Variants in ZFHX3 observed in about 807,000 individuals in gnomAD.
ZFHX3 encodes zinc finger homeobox protein 3.
Under a neutral mutation model 279.1 loss-of-function variants are expected in ZFHX3, and 42 were observed. The observed-to-expected ratio is 0.15, with a 90% CI of 0.12 to 0.19. The LOEUF is 0.19. ZFHX3 is among the 10% of genes least tolerant of loss of function. The probability of loss-of-function intolerance (pLI) is 1.00; values close to 1 mark genes in which losing one functional copy is unlikely to be tolerated. For synonymous variants in ZFHX3, 2,293 were observed against 1,957.8 expected (o/e 1.17, Z -4.52); for missense variants, 4,981 against 4,754.0 (o/e 1.05, Z -1.40).
chr16:73,057,089 C>A (rs1965571766), intron 1 of ZFHX3, among the ~76,000 whole-genome samples: 1 of 152,164 alleles, frequency 6.6e-6, no homozygotes, highest in Non-Finnish European at 1.5e-5. Flanking sequence ...AATCAGCATG[C>A]TCCGTCCATA....
chr16:73,786,743 T>C (rs1280296557), intron 1 of ZFHX3, among the ~76,000 whole-genome samples: 2 of 152,224 alleles, frequency 1.3e-5, no homozygotes, highest in African/African-American at 4.8e-5. Context: ...TCCAGGCTTC[T>C]GATGAATTTA....
chr16:73,024,256 G>C (rs932924887), intron 1 of ZFHX3, among the ~76,000 whole-genome samples: 1 of 152,162 alleles, frequency 6.6e-6, no homozygotes, highest in Non-Finnish European at 1.5e-5. Context: ...TGGGGGAAGG[G>C]AGGGGCGAAA....
intron 2 of ZFHX3, among the ~76,000 whole-genome samples, chr16:73,557,666 A>C (rs1445050723): frequency 6.6e-6 from 1 of 152,080 alleles, no homozygotes; most frequent in African/African-American, 2.4e-5. Flanking sequence ...TCTTGTCGTC[A>C]TCTTGTTTTA....
At chr16:73,164,079 T>C (rs765686548) in intron 5 of ZFHX3, among the ~76,000 whole-genome samples, 19 of 152,192 alleles carry the variant, frequency 1.2e-4, no homozygotes, top group Non-Finnish European at 2.5e-4. Flanking sequence ...CTGATTTTTA[T>C]AGGGAGCCCA....
intron 2 of ZFHX3, among the ~76,000 whole-genome samples, chr16:73,479,085 T>C (rs1021526810): frequency 3.3e-5 from 5 of 151,924 alleles, no homozygotes; most frequent in Non-Finnish European, 7.4e-5. Context: ...GACTCACCCC[T>C]CCCTTGTTGT....
chr16:72,893,702 G>T (rs2038826090), intron 3 of ZFHX3, among the ~76,000 whole-genome samples: 1 of 152,180 alleles, frequency 6.6e-6, no homozygotes, highest in East Asian at 1.9e-4. Flanking sequence ...GTGGAGAAAA[G>T]AATAAGAGGA....
At chr16:73,319,821 G>A (rs192362905) in intron 3 of ZFHX3, among the ~76,000 whole-genome samples, 83 of 152,304 alleles carry the variant, frequency 5.4e-4, no homozygotes, top group African/African-American at 9.9e-4. Flanking sequence ...GAGCCCAGGC[G>A]AAGAAGAAGA....
At chr16:73,467,010 G>C (rs1219138646) in intron 2 of ZFHX3, among the ~76,000 whole-genome samples, 1 of 152,184 alleles carries the variant, frequency 6.6e-6, no homozygotes, top group African/African-American at 2.4e-5. Flanking sequence ...TGTCTGGCCA[G>C]CTGCCCTAAG....
At chr16:72,901,036 G>A (rs1019208848) in intron 3 of ZFHX3, among the ~76,000 whole-genome samples, 2 of 152,176 alleles carry the variant, frequency 1.3e-5, no homozygotes, top group South Asian at 2.1e-4. Context: ...AAAGTCACAC[G>A]GAAGCAGCTG....
chr16:73,469,312 A>G (rs1462979543), intron 2 of ZFHX3, among the ~76,000 whole-genome samples: 1 of 152,190 alleles, frequency 6.6e-6, no homozygotes, highest in Admixed American at 6.5e-5. Context: ...GCGAACATAG[A>G]GCCAAGAAGG....
Position 73,346,241 on chromosome 16 carries a change from T to C in ZFHX3, c.-1290-27905A>G, listed in dbSNP as rs541861142. Among the ~76,000 whole-genome samples, 4 of 152,262 alleles carry C rather than the reference T, an allele frequency of 2.6e-5. No homozygotes were observed. In the East Asian group the frequency reaches 7.7e-4, roughly 29 times the overall value. On this transcript the variant is annotated intron_variant, in intron 3 of 17. Coordinates refer to the ZFHX3 transcript ENST00000641206. ...CCTGCCTTTTGGAACTTTTCCAGCA[T>C]TTGGGAAACATCTGTCCCTCCCAGA...
At chr16:73,717,869 C>T (rs747157101) in intron 1 of ZFHX3, among the ~76,000 whole-genome samples, 6 of 152,202 alleles carry the variant, frequency 3.9e-5, no homozygotes, top group Admixed American at 3.3e-4. Flanking sequence ...ATTACCCACA[C>T]TTTGCATGCA....
chr16:73,238,332 C>G (rs1458038053), intron 5 of ZFHX3, among the ~76,000 whole-genome samples: 2 of 152,112 alleles, frequency 1.3e-5, no homozygotes, highest in African/African-American at 2.4e-5. Context: ...CTGAATTCAA[C>G]CCAGGATCTC....
In ZFHX3 at chr16:72,811,625, G is replaced by C. The variant is rs754398364; in HGVS notation, c.3816C>G (p.Thr1272=). 5.2e-5 allele frequency: 84 copies of C among 1,612,498 alleles called. 1 individual carries two copies. In the South Asian group the frequency reaches 9.1e-4, roughly 18 times the overall value. ...AGTCAGGTGCCACGCTGTGGAGGTG[G>C]GTGAGGTGCAGCTGGAGGTGGATCT... The part of the protein sequence containing the change: ...NNKIHLQLHL[T]HLHSVAPDCV... Residue 1272 remains threonine (T), a synonymous_variant, in exon 7 of 10, where the codon ACC becomes ACG. Coordinates refer to ENST00000268489, the MANE Select transcript of ZFHX3 (RefSeq NM_006885.4).
At position 73,784,816 on chromosome 16, in the gene ZFHX3, T is replaced by TATATATATATACACAC. The variant is rs1555501460; in HGVS notation, c.-1607-104577_-1607-104576insGTGTGTATATATATAT. ...AAAAAAATATATATATATATATATA[T>TATATATATATACACAC]ACACACACACACACACACACATATA... On this transcript the variant is annotated intron_variant, in intron 1 of 17. Transcript: ENST00000641206. 4.9e-4 allele frequency among the ~76,000 whole-genome samples: 67 copies of TATATATATATACACAC among 135,502 alleles called. 1 individual carries two copies. The highest frequency in any genetic ancestry group is 1.8e-3 in the African/African-American group (63 of 34,838). The allele number at this position is 135,502 out of a possible 152,430, so 88.9% of individuals were successfully genotyped here.
intron 1 of ZFHX3, among the ~76,000 whole-genome samples, chr16:72,969,804 T>C (rs576051943): frequency 6.6e-6 from 1 of 152,336 alleles, no homozygotes; most frequent in South Asian, 2.1e-4. Context: ...CTACTGCTGC[T>C]GCACAGAAGT....
chr16:73,879,184 A>C (rs1169958044), intron 1 of ZFHX3, among the ~76,000 whole-genome samples: 3 of 151,154 alleles, frequency 2.0e-5, no homozygotes, highest in Non-Finnish European at 4.4e-5. Context: ...TTTCGCAAGC[A>C]GTTTGTGTTA....
At chr16:73,338,165 C>A (rs1597290930) in intron 3 of ZFHX3, among the ~76,000 whole-genome samples, 1 of 152,266 alleles carries the variant, frequency 6.6e-6, no homozygotes. Flanking sequence ...GCTGCCTGAC[C>A]TCACTTTAAA....
At chr16:73,397,530 C>A (rs2017154836) in intron 3 of ZFHX3, among the ~76,000 whole-genome samples, 1 of 152,078 alleles carries the variant, frequency 6.6e-6, no homozygotes, top group South Asian at 2.1e-4. Context: ...TACTGAAGAT[C>A]ACCTTTGGCG....
Sources: gnomAD v4.1 joint callset for allele counts (sites outside exome capture counted in the v4.1 genomes callset) on GRCh38, gnomAD v4.1.1 for gene constraint, MANE v1.5 for transcripts, NCBI Gene and HGNC (gene_info 2026-07-23, HGNC 2026-07-21) for gene names.